PWWP3A: variants seen among roughly 807,000 people sequenced by gnomAD.
The protein encoded by PWWP3A is PWWP domain containing 3A, DNA repair factor.
PWWP3A carries 53 observed loss-of-function variants against 79.0 expected under a neutral mutation model. The observed-to-expected ratio is 0.67, with a 90% CI of 0.54 to 0.84. The LOEUF (loss-of-function observed/expected upper bound fraction) is 0.84. Ranked by LOEUF, PWWP3A falls within the 40% of genes least tolerant of loss-of-function variation. The pLI, the probability that PWWP3A is intolerant of heterozygous loss-of-function variation, is 0.00. For synonymous variants in PWWP3A, 443 were observed against 394.4 expected, an observed-to-expected ratio of 1.12 and a Z score of -1.46; for missense variants, 973 against 948.0, an observed-to-expected ratio of 1.03 and a Z score of -0.35.
Position 1,369,631 on chromosome 19 carries a change from T to A in PWWP3A, c.1534T>A (p.Tyr512Asn). The change falls in exon 11 of 14, where the codon TAC (tyrosine) becomes AAC (asparagine). Residue 512 changes from tyrosine to asparagine, a missense_variant. Coordinates refer to ENST00000591337, the MANE Select transcript of PWWP3A (RefSeq NM_001369789.1). This position sits in a 1 kb window ranked among gnomAD's most constrained non-coding sequence, Gnocchi z 4.0. ...TTTTGCTGGCTCTTTCCTGGAATAT[T>A]ACGCGGCTGATATAAGTAAGTCTAC... Reference protein sequence around the residue: ...GSFAGSFLEYYAADISYPVRK... With the variant: ...GSFAGSFLEYNAADISYPVRK... 6.2e-7 allele frequency: 1 copy of A among 1,614,224 alleles called. No individual in the cohort carries two copies. The highest frequency in any genetic ancestry group is 8.5e-7 in the Non-Finnish European group (1 of 1,180,036).
In PWWP3A at chr19:1,369,896, G is replaced by A. The variant is rs890942915; in HGVS notation, c.1549+250G>A. ...CCTCATCCCATGGGCCACATCCAGC[G>A]TGTCCCTGCTGTGGCTGGTGGCTGC... is the stretch of plus-strand genomic sequence containing the variant. On this transcript the variant is annotated intron_variant, in intron 11 of 13. Transcript: ENST00000591337. The surrounding 1 kb of genome is among the most constrained non-coding windows in gnomAD (Gnocchi z 4.0). Among the ~76,000 whole-genome samples, 5 of 152,158 alleles carry A rather than the reference G, an allele frequency of 3.3e-5. No homozygotes were observed. The highest frequency in any genetic ancestry group is 7.2e-5 in the African/African-American group (3 of 41,424).
At chr19:1,370,162 A>T (rs971622687) in intron 11 of PWWP3A, among the ~76,000 whole-genome samples, 1 of 152,296 alleles carries the variant, frequency 6.6e-6, no homozygotes, top group South Asian at 2.1e-4. Context: ...TGAGCCCGAG[A>T]GTTCAAGGCT....
At chr19:1,375,796 A>G (rs944921538) in intron 13 of PWWP3A, among the ~76,000 whole-genome samples, 9 of 116,388 alleles carry the variant, frequency 7.7e-5, no homozygotes, top group Non-Finnish European at 1.0e-4. Context: ...ACACACACAC[A>G]TATGTATTTA....
In PWWP3A at chr19:1,360,908, G is replaced by T. The variant is rs756304306; in HGVS notation, c.987G>T (p.Pro329=). 3.7e-5 allele frequency: 57 copies of T among 1,539,538 alleles called. No homozygotes were observed. Among genetic ancestry groups the T allele is most frequent in the Non-Finnish European group, 4.9e-5 (56 of 1,142,124 alleles). ...CAGGGGCCGCACCATCCCCCGGGCC[G>T]GGGCCAGGGCCCAGAGAGTCTGTGA... ...MAAGAAPSPG[P]GPGPRESVTP... is the part of the protein sequence containing the mutation. The change falls in exon 5 of 14, where the codon CCG becomes CCT. Residue 329 remains proline (P), a synonymous_variant. Transcript: ENST00000591337. The surrounding 1 kb of genome is among the most constrained non-coding windows in gnomAD (Gnocchi z 4.4).
At chr19:1,366,245 A>G (rs2082126157) in intron 7 of PWWP3A, 60 bp from the exon 8 acceptor site, 3 of 1,568,246 alleles carry the variant, frequency 1.9e-6, no homozygotes, top group South Asian at 2.2e-5. Context: ...TCACAAAAAA[A>G]TATTTAAAAT....
rs1381780768 is a variant in PWWP3A at position 1,362,187 on chromosome 19, T to C, written c.1112-63T>C. 3.5e-6 allele frequency: 5 copies of C among 1,412,284 alleles called. No homozygotes were observed. The Admixed American group carries it at 8.0e-5, about 23-fold the overall frequency. The allele number at this position is 1,412,284 out of a possible 1,614,324, so 87.5% of individuals were successfully genotyped here. ...GATGGTCATGTGTCATGAAATGTTTTCTTGGGATGAGTCATCAAGACAATG... is the reference window on the plus strand; with the variant it reads ...GATGGTCATGTGTCATGAAATGTTTCCTTGGGATGAGTCATCAAGACAATG... On this transcript the variant is annotated intron_variant, in intron 5 of 13. Transcript: ENST00000591337.
rs771978028 is a variant in PWWP3A at position 1,360,232 on chromosome 19, G to A, written c.311G>A (p.Trp104Ter). The A allele has an allele frequency of 2.5e-6, 4 of 1,613,978 alleles. No homozygotes were observed. Among genetic ancestry groups the A allele is most frequent in the South Asian group, 2.2e-5 (2 of 91,036 alleles). Reference sequence around the variant, plus strand: ...GACGTTCTGAGCGAGGGCTCGATTTGGAGTCAAGAAAGCTCTGCAGGGACA... The same window carrying A: ...GACGTTCTGAGCGAGGGCTCGATTTAGAGTCAAGAAAGCTCTGCAGGGACA... Reference protein sequence around the residue: ...ALDVLSEGSIWSQESSAGTGR... With the variant: ...ALDVLSEGSI The change falls in exon 5 of 14, where the codon TGG becomes TAG. Residue 104 changes from tryptophan to a stop codon, truncating the protein, a stop_gained. Coordinates refer to ENST00000591337, the MANE Select transcript of PWWP3A (RefSeq NM_001369789.1). LOFTEE classifies it high-confidence loss of function. The surrounding 1 kb of genome is among the most constrained non-coding windows in gnomAD (Gnocchi z 4.4).
rs1252061468 is a variant in PWWP3A at position 1,360,842 on chromosome 19, C to T, written c.921C>T (p.Gly307=). The change falls in exon 5 of 14, where the codon GGC becomes GGT. Residue 307 remains glycine, a synonymous_variant. Coordinates refer to ENST00000591337, the MANE Select transcript of PWWP3A (RefSeq NM_001369789.1). The surrounding 1 kb of genome is among the most constrained non-coding windows in gnomAD (Gnocchi z 4.4). ...CGAAAAAGAGGCCGCGCCTGGATGG[C>T]AGCCAAAGGCCGCCTGCCGTGCAGC... The part of the protein sequence containing the change: ...CPAKKRPRLD[G]SQRPPAVQLE... 2 of 1,554,824 alleles carry T rather than the reference C, an allele frequency of 1.3e-6. No homozygotes were observed. The highest frequency in any genetic ancestry group is 2.4e-5 in the East Asian group (1 of 41,886).
intron 13 of PWWP3A, among the ~76,000 whole-genome samples, chr19:1,376,291 G>GTTTGTT (rs2082392468): frequency 1.6e-4 from 8 of 50,850 alleles, no homozygotes; most frequent in Non-Finnish European, 2.2e-4. Context: ...ACGCCCGGCT[G>GTTTGTT]TTTGTTTTTT....
At chr19:1,358,091 A>G (rs2081923819) in intron 3 of PWWP3A, 3 of 354,566 alleles carry the variant, frequency 8.5e-6, no homozygotes, top group African/African-American at 2.1e-5. Flanking sequence ...CTAACAAAGG[A>G]GTGATTTGTG....
chr19:1,364,249 T>C, intron 6 of PWWP3A: 1 of 629,226 alleles, frequency 1.6e-6, no homozygotes, highest in Admixed American at 1.8e-5. Context: ...CAAGGGTGCG[T>C]TTGTCGCAGC....
intron 12 of PWWP3A, among the ~76,000 whole-genome samples, chr19:1,371,649 A>G (rs1458933859): frequency 2.0e-5 from 3 of 152,152 alleles, no homozygotes; most frequent in South Asian, 2.1e-4. Flanking sequence ...ATTGCTGGGC[A>G]TATGTGTACA....
At chr19:1,361,887 CT>C (rs1198880532) in intron 5 of PWWP3A, 2 of 218,564 alleles carry the variant, frequency 9.2e-6, no homozygotes, top group African/African-American at 4.6e-5. Flanking sequence ...TCCTGGCCCC[CT>C]CCCTGCATAT....
At position 1,360,902 on chromosome 19, in the gene PWWP3A, C is replaced by T. The variant is rs1179659421; in HGVS notation, c.981C>T (p.Pro327=). 2.1e-5 allele frequency: 33 copies of T among 1,540,510 alleles called. No homozygotes were observed. Among genetic ancestry groups the T allele is most frequent in the African/African-American group, 4.1e-5 (3 of 72,604 alleles). Residue 327 remains proline, a synonymous_variant, in exon 5 of 14, where the codon CCC becomes CCT. Coordinates refer to ENST00000591337, the MANE Select transcript of PWWP3A (RefSeq NM_001369789.1). This position sits in a 1 kb window ranked among gnomAD's most constrained non-coding sequence, Gnocchi z 4.4. ...TGGCAGCAGGGGCCGCACCATCCCC[C>T]GGGCCGGGGCCAGGGCCCAGAGAGT... The part of the protein sequence containing the change: ...EPMAAGAAPS[P]GPGPGPRESV...
chr19:1,373,254 C>A, intron 13 of PWWP3A, 94 bp downstream of exon 13: 1 of 1,096,518 alleles, frequency 9.1e-7, no homozygotes, highest in South Asian at 1.4e-5. Flanking sequence ...CAGGCTGCCG[C>A]AGCCCCTCTC....
chr19:1,359,299 C>A (rs1012728018), intron 4 of PWWP3A: 2 of 152,446 alleles, frequency 1.3e-5, no homozygotes, highest in Admixed American at 6.5e-5. Context: ...AAAATCAGGT[C>A]TATTTTCCTG....
intron 4 of PWWP3A, chr19:1,358,819 GC>G: frequency 1.7e-6 from 1 of 578,072 alleles, no homozygotes; most frequent in Non-Finnish European, 3.0e-6. Context: ...AGTAAGATTT[GC>G]TGTGGTACTG....
chr19:1,365,295 G>C (rs749761086), intron 7 of PWWP3A, among the ~76,000 whole-genome samples: 1 of 152,362 alleles, frequency 6.6e-6, no homozygotes, highest in East Asian at 1.9e-4. Flanking sequence ...TCAAGCCGGG[G>C]CAGATTCTCT....
At chr19:1,359,886 A>C in intron 4 of PWWP3A, 1 of 352,624 alleles carries the variant, frequency 2.8e-6, no homozygotes, top group Non-Finnish European at 5.1e-6. Context: ...CTTTTTAGCC[A>C]ATCAGGTTAA....
Sources: gnomAD v4.1 joint callset for allele counts (sites outside exome capture counted in the v4.1 genomes callset) on GRCh38, gnomAD v4.1.1 for gene constraint, Gnocchi (gnomAD v3.1) non-coding constraint, MANE v1.5 for transcripts, NCBI Gene and HGNC (gene_info 2026-07-23, HGNC 2026-07-21) for gene names.